EPB41L2: variants seen among roughly 807,000 people sequenced by gnomAD.
The protein encoded by EPB41L2 is band 4.1-like protein 2.
Under a neutral mutation model 113.0 loss-of-function variants are expected in EPB41L2, and 43 were observed. That is an observed-to-expected ratio of 0.38 (90% CI 0.30 to 0.49). The LOEUF is 0.49. Among genes scored for constraint, EPB41L2 ranks in the 20% least tolerant of loss-of-function variants. The pLI, the probability that EPB41L2 is intolerant of heterozygous loss-of-function variation, is 0.95. For missense variants in EPB41L2, 1,147 were observed against 1,223.4 expected (o/e 0.94, Z 0.93); for synonymous variants, 442 against 436.7 (o/e 1.01, Z -0.15).
chr6:130,991,145 G>A (rs560122293), intron 1 of EPB41L2, among the ~76,000 whole-genome samples: 16 of 152,012 alleles, frequency 1.1e-4, no homozygotes, highest in Admixed American at 3.3e-4. Flanking sequence ...CTTGGTTCAA[G>A]GCCATGACTT....
intron 1 of EPB41L2, among the ~76,000 whole-genome samples, chr6:130,968,271 A>C (rs1775854999): frequency 6.6e-6 from 1 of 152,222 alleles, no homozygotes. Flanking sequence ...GTCATAAGAC[A>C]AAAGCTTGTC....
chr6:130,870,053 GTGATTAC>G lies in EPB41L2; in HGVS notation c.2110_2116del (p.Val704GlnfsTer4). ...TATCTCTTTACCATTCATTTCTTCTGTGATTACTCTTTCGTCTTTCCCAACCTCTGCC... is the reference window on the plus strand; with the variant it reads ...TATCTCTTTACCATTCATTTCTTCTGTCTTTCGTCTTTCCCAACCTCTGCC... On this transcript the variant is annotated frameshift_variant, in exon 15 of 20. Transcript: ENST00000337057. LOFTEE classifies it high-confidence loss of function. 6 of 1,613,876 alleles carry G rather than the reference GTGATTAC, an allele frequency of 3.7e-6. No homozygotes were observed. Among genetic ancestry groups the G allele is most frequent in the Non-Finnish European group, 5.1e-6 (6 of 1,179,996 alleles).
chr6:130,937,358 G>T (rs1809170286), intron 3 of EPB41L2, among the ~76,000 whole-genome samples: 1 of 152,148 alleles, frequency 6.6e-6, no homozygotes, highest in Admixed American at 6.5e-5. Context: ...CCCTGTCCCA[G>T]CATTCAACTA....
At chr6:130,903,076 G>C (rs909826514) in intron 6 of EPB41L2, among the ~76,000 whole-genome samples, 1 of 152,082 alleles carries the variant, frequency 6.6e-6, no homozygotes, top group African/African-American at 2.4e-5. Context: ...ACTAGACAGG[G>C]AGACTGTTCA....
At chr6:130,851,743 C>T (rs1157093377) in intron 19 of EPB41L2, among the ~76,000 whole-genome samples, 3 of 152,234 alleles carry the variant, frequency 2.0e-5, no homozygotes, top group Non-Finnish European at 2.9e-5. Context: ...AAAACATGCT[C>T]ATTTGGTTTT....
At chr6:130,986,067 G>A (rs1302184099) in intron 1 of EPB41L2, among the ~76,000 whole-genome samples, 2 of 152,056 alleles carry the variant, frequency 1.3e-5, no homozygotes, top group East Asian at 3.9e-4. Flanking sequence ...AAAAATCCTT[G>A]GCAAAATACT....
chr6:130,877,030 C>T (rs1353002540), intron 14 of EPB41L2, among the ~76,000 whole-genome samples: 1 of 152,130 alleles, frequency 6.6e-6, no homozygotes, highest in African/African-American at 2.4e-5. Flanking sequence ...AAGTTGTATT[C>T]AACTTCATAA....
chr6:131,053,098 G>T lies in EPB41L2; in HGVS notation c.-15+10057C>A, dbSNP rs919565992. ...TTTAGTAGAGATGGGGTTTCACCAT[G>T]TTGGCTAGGCTGGTCTCAAACTCCT... On this transcript the variant is annotated intron_variant, in intron 1 of 19. Coordinates refer to ENST00000337057, the MANE Select transcript of EPB41L2 (RefSeq NM_001431.4). Among the ~76,000 whole-genome samples, 54 of 152,004 alleles carry T rather than the reference G, an allele frequency of 3.6e-4. 1 individual carries two copies. The highest frequency in any genetic ancestry group is 7.2e-4 in the Non-Finnish European group (49 of 68,002).
intron 1 of EPB41L2, among the ~76,000 whole-genome samples, chr6:130,981,533 G>T (rs1779378911): frequency 6.6e-6 from 1 of 152,164 alleles, no homozygotes; most frequent in African/African-American, 2.4e-5. Flanking sequence ...TCCTTTTATA[G>T]GGTTGAATCC....
intron 1 of EPB41L2, among the ~76,000 whole-genome samples, chr6:130,986,441 A>G (rs1372214948): frequency 6.6e-6 from 1 of 151,464 alleles, no homozygotes; most frequent in Non-Finnish European, 1.5e-5. Context: ...TTAAAAAAGA[A>G]AAAAAAAAGA....
intron 1 of EPB41L2, among the ~76,000 whole-genome samples, chr6:131,016,492 A>G (rs1273352643): frequency 6.7e-6 from 1 of 149,212 alleles, no homozygotes; most frequent in Non-Finnish European, 1.5e-5. Flanking sequence ...ACACACACAC[A>G]CACACACACA....
At chr6:130,892,450 T>A (rs1413132298) in intron 10 of EPB41L2, among the ~76,000 whole-genome samples, 1 of 142,182 alleles carries the variant, frequency 7.0e-6, no homozygotes, top group Non-Finnish European at 1.5e-5. Flanking sequence ...AAAGCTGTTG[T>A]CTGCCCAGCT....
chr6:130,875,149 G>A (rs1787108418), intron 14 of EPB41L2, among the ~76,000 whole-genome samples: 1 of 151,850 alleles, frequency 6.6e-6, no homozygotes, highest in African/African-American at 2.4e-5. Context: ...TACTTATTTT[G>A]CCTCCTTTCC....
At chr6:130,953,993 C>A (rs1213782108) in intron 3 of EPB41L2, among the ~76,000 whole-genome samples, 1 of 8,318 alleles carries the variant, frequency 1.2e-4, no homozygotes, top group Non-Finnish European at 1.8e-4. Flanking sequence ...AAAACTAAGA[C>A]AACTAAGACA....
At chr6:130,877,827 A>G (rs979197454) in intron 14 of EPB41L2, among the ~76,000 whole-genome samples, 2 of 97,712 alleles carry the variant, frequency 2.0e-5, no homozygotes, top group Non-Finnish European at 4.0e-5. Context: ...AAATTGTCCT[A>G]TATAACAATT....
At chr6:130,926,386 G>A (rs1005818377) in intron 4 of EPB41L2, among the ~76,000 whole-genome samples, 1 of 152,152 alleles carries the variant, frequency 6.6e-6, no homozygotes, top group Non-Finnish European at 1.5e-5. Flanking sequence ...TGCAAAGCAT[G>A]TACACATATG....
intron 1 of EPB41L2, among the ~76,000 whole-genome samples, chr6:131,053,966 A>G (rs1433919880): frequency 1.3e-5 from 2 of 152,240 alleles, no homozygotes; most frequent in African/African-American, 2.4e-5. Flanking sequence ...ACATGGAGTC[A>G]GGGGTCTTTG....
In EPB41L2 at chr6:130,973,243, C is replaced by T. The variant is rs553459804; in HGVS notation, c.-14-16744G>A. 1.9e-3 allele frequency among the ~76,000 whole-genome samples: 290 copies of T among 149,568 alleles called. 3 individuals carry two copies. The highest frequency in any genetic ancestry group is 7.0e-3 in the African/African-American group (282 of 40,456). On this transcript the variant is annotated intron_variant, in intron 1 of 19. Transcript: ENST00000337057. ...TCCATGGCACCTCTGAAGAGATATT[C>T]ATCTTTGTCAAAATGGGCAGACACA...
chr6:130,858,329 C>T (rs929821252), intron 18 of EPB41L2, 86 bp from the exon 19 acceptor site: 48 of 1,015,772 alleles, frequency 4.7e-5, no homozygotes, highest in South Asian at 4.7e-4. Context: ...CTGATCACCT[C>T]GGACCCAACC....
Sources: allele counts gnomAD v4.1 joint callset (sites outside exome capture counted in the v4.1 genomes callset), GRCh38; gene constraint gnomAD v4.1.1; transcripts MANE v1.5; gene names NCBI Gene and HGNC (gene_info 2026-07-23, HGNC 2026-07-21).